TCTN2: variants seen among roughly 807,000 people sequenced by gnomAD.
TCTN2 encodes the protein tectonic-2.
Under a neutral mutation model 83.4 loss-of-function variants are expected in TCTN2, and 66 were observed. That is an observed-to-expected ratio of 0.79 (90% CI 0.65 to 0.97). The LOEUF (loss-of-function observed/expected upper bound fraction) is 0.97, where lower values mean the gene tolerates loss of function less well. Among genes scored for constraint, TCTN2 ranks in the 50% least tolerant of loss-of-function variants. The pLI is 0.00. For synonymous variants in TCTN2, 301 were observed against 326.7 expected, an observed-to-expected ratio of 0.92 and a Z score of 0.85; for missense variants, 794 against 858.1, an observed-to-expected ratio of 0.93 and a Z score of 0.93.
intron 5 of TCTN2, among the ~76,000 whole-genome samples, chr12:123,680,563 C>A (rs1448088221): frequency 6.7e-6 from 1 of 148,712 alleles, no homozygotes; most frequent in Non-Finnish European, 1.5e-5. Flanking sequence ...GTTGCCCAGG[C>A]TGGAGTGCAG....
chr12:123,699,616 T>C, intron 13 of TCTN2, 88 bp from the exon 14 acceptor site: 1 of 1,114,710 alleles, frequency 9.0e-7, no homozygotes, highest in Non-Finnish European at 1.4e-6. Context: ...ATTTAGGCAC[T>C]CGGAAGTGAA....
chr12:123,679,180 A>G lies in TCTN2; in HGVS notation c.464-9A>G. ...TTAGCTGAATTTTTCTGTTGTGTGTACTTTTCAGAGAACGTGACTGTCATT... is the reference window on the plus strand; with the variant it reads ...TTAGCTGAATTTTTCTGTTGTGTGTGCTTTTCAGAGAACGTGACTGTCATT... On this transcript the variant is annotated splice_polypyrimidine_tract_variant and intron_variant, in intron 4 of 17. Coordinates refer to ENST00000303372, the MANE Select transcript of TCTN2 (RefSeq NM_024809.5). The G allele has an allele frequency of 1.2e-6, 2 of 1,608,566 alleles. No individual in the cohort carries two copies. Among genetic ancestry groups the G allele is most frequent in the Non-Finnish European group, 1.7e-6 (2 of 1,175,068 alleles).
chr12:123,696,596 A>C, intron 12 of TCTN2, 101 bp downstream of exon 12: 1 of 1,147,724 alleles, frequency 8.7e-7, no homozygotes, highest in Non-Finnish European at 1.3e-6. Flanking sequence ...TTTAAAGCCT[A>C]GTTGGTTTAT....
At chr12:123,686,739 A>T in intron 5 of TCTN2, 97 bp from the exon 6 acceptor site, 1 of 1,153,650 alleles carries the variant, frequency 8.7e-7, no homozygotes, top group African/African-American at 1.5e-5. Flanking sequence ...CTTACTTGGT[A>T]GTGTCCTGCT....
rs151335706 is a variant in TCTN2 at position 123,673,847 on chromosome 12, G to A, written c.463+37G>A. On this transcript the variant is annotated intron_variant, in intron 4 of 17. Coordinates refer to ENST00000303372, the MANE Select transcript of TCTN2 (RefSeq NM_024809.5). ...CTTTGACTGTCAAAACTTTCATGTT[G>A]TTCCCAGCTACTTAGGAGGAAGAGG... 28 of 1,597,266 alleles carry A rather than the reference G, an allele frequency of 1.8e-5. No individual in the cohort carries two copies. The African/African-American group carries it at 3.1e-4, about 18-fold the overall frequency.
chr12:123,698,567 A>G (rs1956137355), intron 13 of TCTN2, among the ~76,000 whole-genome samples: 1 of 151,760 alleles, frequency 6.6e-6, no homozygotes, highest in Non-Finnish European at 1.5e-5. Context: ...CCTCCCGAGT[A>G]TCTTGGAGTA....
intron 13 of TCTN2, 35 bp downstream of exon 13, chr12:123,697,233 G>C: frequency 2.8e-6 from 4 of 1,447,494 alleles, no homozygotes; most frequent in Non-Finnish European, 3.9e-6. Flanking sequence ...TCGGCAATGT[G>C]AATGGTTTGC....
chr12:123,693,901 T>A (rs1207681775), intron 9 of TCTN2, among the ~76,000 whole-genome samples: 4 of 151,662 alleles, frequency 2.6e-5, no homozygotes, highest in African/African-American at 9.7e-5. Context: ...CACTGTACCC[T>A]CCACCTCCCA....
chr12:123,676,736 C>T (rs937278113), intron 4 of TCTN2, among the ~76,000 whole-genome samples: 1 of 151,864 alleles, frequency 6.6e-6, no homozygotes, highest in Non-Finnish European at 1.5e-5. Flanking sequence ...AGCCAGCCAG[C>T]GATTAAAACT....
At chr12:123,672,318 C>T (rs1176029812) in intron 3 of TCTN2, among the ~76,000 whole-genome samples, 186 bp downstream of exon 3, 1 of 152,046 alleles carries the variant, frequency 6.6e-6, no homozygotes, top group African/African-American at 2.4e-5. Flanking sequence ...GTTAGGAGTC[C>T]TTGGATGTAT....
chr12:123,686,635 T>C (rs1170000969), intron 5 of TCTN2, among the ~76,000 whole-genome samples: 1 of 152,196 alleles, frequency 6.6e-6, no homozygotes, highest in African/African-American at 2.4e-5. Context: ...CTTGAAGGCT[T>C]ATTTGGGGAA....
At chr12:123,675,372 G>A (rs75546960) in intron 4 of TCTN2, among the ~76,000 whole-genome samples, 3,812 of 152,248 alleles carry the variant, frequency 0.025, 166 homozygotes, top group African/African-American at 0.088. Context: ...CCCTGTCTCC[G>A]GTGGCGAACT....
Position 123,707,072 on chromosome 12 carries a change from A to G in TCTN2, c.1983A>G (p.Gln661=). The G allele has an allele frequency of 6.2e-7, 1 of 1,612,868 alleles. No homozygotes were observed. The highest frequency in any genetic ancestry group is 2.2e-5 in the East Asian group (1 of 44,868). The change falls in exon 17 of 18, where the codon CAA becomes CAG. Residue 661 remains glutamine, a splice_region_variant and synonymous_variant. Transcript: ENST00000303372. ...QLLYPWTQYY[Q]GELHSQCVAK... Reference sequence around the variant, plus strand: ...TATATCCATGGACTCAGTATTATCAAGGTAGGGTGAAACAGATTTCTATGA... The same window carrying G: ...TATATCCATGGACTCAGTATTATCAGGGTAGGGTGAAACAGATTTCTATGA...
At chr12:123,685,450 G>C (rs1955952823) in intron 5 of TCTN2, among the ~76,000 whole-genome samples, 1 of 152,114 alleles carries the variant, frequency 6.6e-6, no homozygotes, top group Admixed American at 6.6e-5. Flanking sequence ...ACGGAGTCTT[G>C]TTCTGTCACC....
chr12:123,695,549 G>T, intron 11 of TCTN2: 4 of 347,724 alleles, frequency 1.2e-5, no homozygotes, highest in Non-Finnish European at 1.6e-5. Flanking sequence ...AGCCTCCTGA[G>T]TAGCTGGGAT....
At chr12:123,683,573 G>C (rs1955926376) in intron 5 of TCTN2, among the ~76,000 whole-genome samples, 2 of 152,088 alleles carry the variant, frequency 1.3e-5, no homozygotes, top group South Asian at 4.2e-4. Flanking sequence ...AGTCACCGTG[G>C]CTGGCCTTTT....
rs117339302 is a variant in TCTN2 at position 123,681,420 on chromosome 12, G to A, written c.564+2131G>A. Among the ~76,000 whole-genome samples the A allele has an allele frequency of 6.3e-4, 96 of 152,104 alleles. No homozygotes were observed. In the East Asian group the frequency reaches 0.018, roughly 29 times the overall value. ...TTCCTATCTCCATCCCTCATCCAAG[G>A]CCTCCGTGAATCTGCCTCTGTCTCC... is the stretch of plus-strand genomic sequence containing the variant. On this transcript the variant is annotated intron_variant, in intron 5 of 17. Coordinates refer to ENST00000303372, the MANE Select transcript of TCTN2 (RefSeq NM_024809.5).
rs1309432036 is a variant in TCTN2, at chr12:123,687,021, C to CT, written c.751dup (p.Tyr251LeufsTer14). 8 of 1,614,064 alleles carry CT rather than the reference C, an allele frequency of 5.0e-6. No homozygotes were observed. In the African/African-American group the frequency reaches 1.1e-4, roughly 22 times the overall value. ...CCAACACACCCTTCCTTGGTTACTT[C>CT]TATCATGGTGCTGTGTAAGTGTCTG... On this transcript the variant is annotated frameshift_variant, in exon 6 of 18. Transcript: ENST00000303372. LOFTEE classifies it high-confidence loss of function.
intron 13 of TCTN2, 146 bp from the exon 14 acceptor site, chr12:123,699,558 G>A (rs1956147978): frequency 2.8e-6 from 2 of 718,516 alleles, no homozygotes; most frequent in Non-Finnish European, 5.0e-6. Flanking sequence ...CCTAGTCCAT[G>A]GGTGACACCC....
Sources: allele counts gnomAD v4.1 joint callset (sites outside exome capture counted in the v4.1 genomes callset), GRCh38; gene constraint gnomAD v4.1.1; transcripts MANE v1.5; gene names NCBI Gene and HGNC (gene_info 2026-07-23, HGNC 2026-07-21).